Variants in KRT77 observed in about 807,000 individuals in gnomAD.
KRT77 encodes the protein keratin, type II cytoskeletal 1b.
Under a neutral mutation model 51.5 loss-of-function variants are expected in KRT77, and 44 were observed. The observed-to-expected ratio is 0.85, with a 90% confidence interval of 0.67 to 1.10. KRT77 has a LOEUF of 1.10. KRT77 is among the 50% of genes least tolerant of loss of function. The probability of loss-of-function intolerance (pLI) is 0.00; values close to 1 mark genes in which losing one functional copy is unlikely to be tolerated. For missense variants in KRT77, 763 were observed against 743.9 expected (o/e 1.03, Z -0.30); for synonymous variants, 293 against 302.0 (o/e 0.97, Z 0.31).
chr12:52,698,925 C>G (rs1941841921), intron 1 of KRT77, among the ~76,000 whole-genome samples: 1 of 152,226 alleles, frequency 6.6e-6, no homozygotes, highest in South Asian at 2.1e-4. Flanking sequence ...GAAGACACTC[C>G]CCTACCACGT....
chr12:52,695,834 G>T lies in KRT77; in HGVS notation c.853C>A (p.Leu285Met). Residue 285 changes from leucine to methionine, a missense_variant, in exon 4 of 9, where the codon CTG (leucine) becomes ATG (methionine). By Grantham distance (15) the Leu-to-Met change is conservative (BLOSUM62 2). Transcript: ENST00000341809. ...VDAAYVSKVD[L>M]ESRVDTLTGE... is the part of the protein sequence containing the mutation. Reference sequence around the variant, plus strand: ...GTCAGAGTGTCCACCCTGGACTCCAGGTCCACTTTGCTCACATAAGCAGCA... The same window carrying T: ...GTCAGAGTGTCCACCCTGGACTCCATGTCCACTTTGCTCACATAAGCAGCA... 1.2e-6 allele frequency: 2 copies of T among 1,613,862 alleles called. No homozygotes were observed. Among genetic ancestry groups the T allele is most frequent in the Non-Finnish European group, 1.7e-6 (2 of 1,179,710 alleles).
intron 6 of KRT77, 49 bp from the exon 7 acceptor site, chr12:52,692,690 T>G: frequency 6.3e-7 from 1 of 1,594,090 alleles, no homozygotes. Flanking sequence ...TTTCCAGAGC[T>G]CGATCTGGCA....
Position 52,690,959 on chromosome 12 carries a change from C to G in KRT77, c.*206G>C, listed in dbSNP as rs990829899. ...AGTGAGAATGTGCCTAGCTGTGAATCTGACTGCAAGCCAGTGCCCTCCAAA... is the reference window on the plus strand; with the variant it reads ...AGTGAGAATGTGCCTAGCTGTGAATGTGACTGCAAGCCAGTGCCCTCCAAA... On this transcript the variant is annotated 3_prime_UTR_variant, in exon 9 of 9. Transcript: ENST00000341809. The G allele has an allele frequency of 4.4e-6, 3 of 676,502 alleles. No homozygotes were observed. The highest frequency in any genetic ancestry group is 7.4e-6 in the Non-Finnish European group (3 of 405,116). 41.9% of individuals were successfully genotyped at this position (676,502 alleles called of 1,614,324 possible).
intron 1 of KRT77, among the ~76,000 whole-genome samples, chr12:52,699,192 C>T (rs1488953978): frequency 6.6e-6 from 1 of 152,184 alleles, no homozygotes; most frequent in Non-Finnish European, 1.5e-5. Context: ...GGTGGCACTC[C>T]CAGGGAGTGA....
intron 5 of KRT77, among the ~76,000 whole-genome samples, chr12:52,693,164 C>T (rs1941742691): frequency 6.6e-6 from 1 of 150,674 alleles, no homozygotes; most frequent in Non-Finnish European, 1.5e-5. Context: ...CCCTTTCTAC[C>T]ACCTTTTCAC....
chr12:52,700,528 G>T (rs576287663), intron 1 of KRT77, among the ~76,000 whole-genome samples: 37 of 152,288 alleles, frequency 2.4e-4, no homozygotes, highest in African/African-American at 8.7e-4. Flanking sequence ...CCTTGAGACA[G>T]AACTGAGCCT....
At chr12:52,701,158 C>G (rs968882283) in intron 1 of KRT77, among the ~76,000 whole-genome samples, 1 of 152,234 alleles carries the variant, frequency 6.6e-6, no homozygotes, top group African/African-American at 2.4e-5. Context: ...TTGCCAGCGG[C>G]CTGTGGTCAT....
intron 6 of KRT77, 57 bp from the exon 7 acceptor site, chr12:52,692,698 G>A: frequency 1.3e-6 from 2 of 1,596,576 alleles, no homozygotes; most frequent in Non-Finnish European, 1.7e-6. Context: ...GCTCGATCTG[G>A]CAGGGCATTG....
chr12:52,691,491 C>A (rs759658207), intron 8 of KRT77, 52 bp from the exon 9 acceptor site: 7 of 1,503,240 alleles, frequency 4.7e-6, no homozygotes, highest in Non-Finnish European at 6.2e-6. Flanking sequence ...GCAAGGCCCC[C>A]ACCTGCACCC....
chr12:52,702,871 C>G (rs1308674477), intron 1 of KRT77, 21 bp downstream of exon 1: 18 of 1,612,722 alleles, frequency 1.1e-5, no homozygotes, highest in Non-Finnish European at 1.4e-5. Context: ...CAATGACCCT[C>G]CCTGCCCCTG....
At position 52,702,709 on chromosome 12, in the gene KRT77, C is replaced by T. The variant is rs150669461; in HGVS notation, c.543+183G>A. On this transcript the variant is annotated intron_variant, in intron 1 of 8. Coordinates refer to ENST00000341809, the MANE Select transcript of KRT77 (RefSeq NM_175078.3). The stretch of plus-strand genomic sequence containing the variant: ...TTAACACTGCTTATCTCCTTTCCTG[C>T]CAAAAGGAAAAGATGGAATTAAATC... Among the ~76,000 whole-genome samples, 277 of 151,968 alleles carry T rather than the reference C, an allele frequency of 1.8e-3. 3 individuals are homozygous for T. The highest frequency in any genetic ancestry group is 6.0e-3 in the African/African-American group (247 of 41,414).
chr12:52,702,787 C>A, intron 1 of KRT77, 105 bp downstream of exon 1: 1 of 1,161,060 alleles, frequency 8.6e-7, no homozygotes, highest in Non-Finnish European at 1.2e-6. Flanking sequence ...TCTAAGGTCC[C>A]AGGTCAAGCT....
intron 1 of KRT77, among the ~76,000 whole-genome samples, chr12:52,699,251 TGG>T (rs1941848881): frequency 6.6e-6 from 1 of 152,154 alleles, no homozygotes. Flanking sequence ...AGTGGCATTG[TGG>T]GGACCAAAAG....
At chr12:52,701,220 G>A (rs749747757) in intron 1 of KRT77, among the ~76,000 whole-genome samples, 26 of 152,182 alleles carry the variant, frequency 1.7e-4, no homozygotes, top group Non-Finnish European at 2.5e-4. Context: ...CGTGACCTCC[G>A]AGTAGTGACT....
intron 8 of KRT77, among the ~76,000 whole-genome samples, 178 bp downstream of exon 8, chr12:52,691,760 A>G (rs889949602): frequency 1.3e-5 from 2 of 152,230 alleles, no homozygotes; most frequent in African/African-American, 4.8e-5. Context: ...CTGAAATCAT[A>G]ACCATTTATT....
At chr12:52,693,181 A>C (rs1025498819) in intron 5 of KRT77, among the ~76,000 whole-genome samples, 3 of 150,036 alleles carry the variant, frequency 2.0e-5, no homozygotes, top group Admixed American at 6.6e-5. Flanking sequence ...TCACACATCT[A>C]AGCCTTCACG....
intron 7 of KRT77, 100 bp from the exon 8 acceptor site, chr12:52,692,072 G>A (rs1941718675): frequency 7.8e-7 from 1 of 1,283,714 alleles, no homozygotes; most frequent in Non-Finnish European, 1.1e-6. Flanking sequence ...CAAGCCTTAG[G>A]GAAATGTGTG....
Position 52,695,805 on chromosome 12 carries a change from C to T in KRT77, c.882G>A (p.Gly294=), listed in dbSNP as rs1458658186. ...DLESRVDTLT[G]EVNFLKYLFL... is the part of the protein sequence containing the mutation. ...ATAAATATTTCAAGAAATTGACCTC[C>T]CCAGTCAGAGTGTCCACCCTGGACT... The change falls in exon 4 of 9, where the codon GGG becomes GGA. Residue 294 remains glycine (G), a synonymous_variant. Coordinates refer to ENST00000341809, the MANE Select transcript of KRT77 (RefSeq NM_175078.3). 3 of 1,613,918 alleles carry T rather than the reference C, an allele frequency of 1.9e-6. No homozygotes were observed. The highest frequency in any genetic ancestry group is 3.3e-5 in the Admixed American group (2 of 60,018).
chr12:52,694,886 A>T, intron 4 of KRT77, 96 bp from the exon 5 acceptor site: 1 of 1,144,344 alleles, frequency 8.7e-7, no homozygotes, highest in South Asian at 1.9e-5. Context: ...GGGAAGCCAG[A>T]AGCCTGGGCC....
Sources: allele counts gnomAD v4.1 joint callset (sites outside exome capture counted in the v4.1 genomes callset), GRCh38; gene constraint gnomAD v4.1.1; transcripts MANE v1.5; gene names NCBI Gene and HGNC (gene_info 2026-07-23, HGNC 2026-07-21).